TAFA5: variants seen among roughly 807,000 people sequenced by gnomAD.
TAFA5 encodes TAFA chemokine like family member 5.
In TAFA5, 6 loss-of-function variants were observed where a neutral mutation model predicts 15.3. That is an observed-to-expected ratio of 0.39 (90% confidence interval 0.21 to 0.77). The LOEUF (loss-of-function observed/expected upper bound fraction) is 0.77. TAFA5 is among the 30% of genes least tolerant of loss of function. TAFA5 has a pLI of 0.41. For synonymous variants in TAFA5, 103 were observed against 80.7 expected, an observed-to-expected ratio of 1.28 and a Z score of -1.48; for missense variants, 161 against 193.1, an observed-to-expected ratio of 0.83 and a Z score of 0.98.
intron 1 of TAFA5, among the ~76,000 whole-genome samples, chr22:48,513,699 G>A (rs1213790581): frequency 6.6e-6 from 1 of 152,234 alleles, no homozygotes; most frequent in Non-Finnish European, 1.5e-5. Flanking sequence ...TGGGCAGTCT[G>A]CAGGAGGAGG....
intron 2 of TAFA5, among the ~76,000 whole-genome samples, chr22:48,703,338 T>TC (rs577709021): frequency 1.4e-3 from 209 of 152,170 alleles, no homozygotes; most frequent in Non-Finnish European, 2.0e-3. Context: ...CGTCCTTCCT[T>TC]CTTCTCCTTC....
At chr22:48,526,727 G>A (rs1312658546) in intron 1 of TAFA5, among the ~76,000 whole-genome samples, 1 of 152,234 alleles carries the variant, frequency 6.6e-6, no homozygotes, top group East Asian at 1.9e-4. Flanking sequence ...AGTTAATCAT[G>A]TTGTATATAC....
At chr22:48,586,237 C>T (rs1423361737) in intron 1 of TAFA5, among the ~76,000 whole-genome samples, 1 of 152,264 alleles carries the variant, frequency 6.6e-6, no homozygotes, top group East Asian at 1.9e-4. Flanking sequence ...TCTCTTCTCT[C>T]TATGACCCCA....
intron 2 of TAFA5, among the ~76,000 whole-genome samples, chr22:48,674,890 G>T (rs1362149012): frequency 6.6e-6 from 1 of 152,042 alleles, no homozygotes; most frequent in African/African-American, 2.4e-5. Context: ...CAGAGACGAG[G>T]CTGAGATAGA....
intron 1 of TAFA5, among the ~76,000 whole-genome samples, chr22:48,528,896 T>C (rs571342160): frequency 1.3e-5 from 2 of 152,244 alleles, no homozygotes; most frequent in African/African-American, 4.8e-5. Flanking sequence ...CACAGTCCCA[T>C]TGTAACCTGG....
intron 1 of TAFA5, among the ~76,000 whole-genome samples, chr22:48,515,741 C>T (rs995517279): frequency 2.6e-5 from 4 of 152,180 alleles, no homozygotes; most frequent in African/African-American, 4.8e-5. Context: ...TGGAGGGCAC[C>T]GCCCCAGAGG....
intron 1 of TAFA5, among the ~76,000 whole-genome samples, chr22:48,645,896 C>T (rs544576036): frequency 7.9e-5 from 12 of 152,260 alleles, no homozygotes; most frequent in East Asian, 3.9e-4. Flanking sequence ...GGGTGTGTTG[C>T]GTGCACATCT....
chr22:48,611,297 C>T (rs748648200), intron 1 of TAFA5, among the ~76,000 whole-genome samples: 14 of 152,254 alleles, frequency 9.2e-5, no homozygotes, highest in Admixed American at 5.2e-4. Flanking sequence ...TCTCTGCTCC[C>T]TTCCTTCACC....
At chr22:48,687,053 G>A (rs1015855279) in intron 2 of TAFA5, among the ~76,000 whole-genome samples, 2 of 150,942 alleles carry the variant, frequency 1.3e-5, no homozygotes, top group Admixed American at 6.6e-5. Context: ...ATGGATAGAT[G>A]GATGAATGGA....
intron 3 of TAFA5, among the ~76,000 whole-genome samples, chr22:48,730,057 A>T (rs1929826277): frequency 6.6e-6 from 1 of 152,080 alleles, no homozygotes; most frequent in African/African-American, 2.4e-5. Flanking sequence ...CACCTACATA[A>T]AATAACAGCA....
At position 48,532,541 on chromosome 22, in the gene TAFA5, C is replaced by T. The variant is rs193123836; in HGVS notation, c.112+42837C>T. Among the ~76,000 whole-genome samples, 38 of 152,308 alleles carry T rather than the reference C, an allele frequency of 2.5e-4. No homozygotes were observed. The East Asian group carries it at 6.9e-3, about 28-fold the overall frequency. ...GGATCAGTCAACGATTACGCACTGT[C>T]GCTGGTGGGGTTAGTGAGGCAGGTG... is the stretch of plus-strand genomic sequence containing the variant. On this transcript the variant is annotated intron_variant, in intron 1 of 3. Transcript: ENST00000402357.
chr22:48,711,550 A>G (rs1870992086), intron 3 of TAFA5, among the ~76,000 whole-genome samples: 1 of 152,108 alleles, frequency 6.6e-6, no homozygotes, highest in Admixed American at 6.5e-5. Flanking sequence ...TCTTGAACCA[A>G]ACACCATAGA....
intron 2 of TAFA5, among the ~76,000 whole-genome samples, chr22:48,686,561 A>G (rs578129059): frequency 6.6e-6 from 1 of 152,268 alleles, no homozygotes; most frequent in South Asian, 2.1e-4. Context: ...AGGGGGGCAC[A>G]GAAGTTCAAA....
chr22:48,698,960 G>A (rs572492758), intron 2 of TAFA5, among the ~76,000 whole-genome samples: 86,908 of 139,010 alleles, frequency 0.63, 27,898 homozygotes, highest in African/African-American at 0.77. Flanking sequence ...TTTTTTTGGC[G>A]CGACCAAGGC....
intron 1 of TAFA5, among the ~76,000 whole-genome samples, chr22:48,621,794 C>T (rs1303024966): frequency 1.3e-5 from 2 of 152,024 alleles, no homozygotes; most frequent in African/African-American, 2.4e-5. Flanking sequence ...GAGTGGTGGC[C>T]GAGGCCCTGT....
rs1293697852 is a variant in TAFA5, at chr22:48,694,365, G to T, written c.263-13352G>T. Among the ~76,000 whole-genome samples, 4 of 152,044 alleles carry T rather than the reference G, an allele frequency of 2.6e-5. No homozygotes were observed. In the East Asian group the frequency reaches 5.8e-4, roughly 22 times the overall value. On this transcript the variant is annotated intron_variant, in intron 2 of 3. Coordinates refer to ENST00000402357, the MANE Select transcript of TAFA5 (RefSeq NM_001082967.3). Reference sequence around the variant, plus strand: ...AAATGACTGTGTGGCATAGCCCCAGGGAAGGCTGGCACTGCTGGGACACCC... The same window carrying T: ...AAATGACTGTGTGGCATAGCCCCAGTGAAGGCTGGCACTGCTGGGACACCC...
intron 1 of TAFA5, among the ~76,000 whole-genome samples, chr22:48,636,917 G>T (rs1461964431): frequency 6.6e-6 from 1 of 152,224 alleles, no homozygotes; most frequent in Non-Finnish European, 1.5e-5. Context: ...GACAGGCGCG[G>T]GGCCCTGGGA....
chr22:48,616,841 G>A (rs1304098526), intron 1 of TAFA5, among the ~76,000 whole-genome samples: 1 of 152,202 alleles, frequency 6.6e-6, no homozygotes, highest in African/African-American at 2.4e-5. Flanking sequence ...CAGGTCCGTG[G>A]GGACCCCTAG....
In TAFA5 at chr22:48,560,504, C is replaced by T. The variant is rs12169559; in HGVS notation, c.112+70800C>T. ...CCCCAGTGTGAACTAATGTGAGGTG[C>T]TTTCATGCTGCAGAAGGCACCTGGG... On this transcript the variant is annotated intron_variant, in intron 1 of 3. Transcript: ENST00000402357. The surrounding 1 kb of genome is among the most constrained non-coding windows in gnomAD (Gnocchi z 4.2). Among the ~76,000 whole-genome samples, 15,530 of 152,124 alleles carry T rather than the reference C, an allele frequency of 0.1. 842 individuals are homozygous for T. The highest frequency in any genetic ancestry group is 0.16 in the Middle Eastern group (46 of 290).
Sources: allele counts gnomAD v4.1 joint callset (sites outside exome capture counted in the v4.1 genomes callset), GRCh38; gene constraint gnomAD v4.1.1; non-coding constraint Gnocchi (gnomAD v3.1); transcripts MANE v1.5; gene names NCBI Gene and HGNC (gene_info 2026-07-23, HGNC 2026-07-21).